UNC13C: variants seen among roughly 807,000 people sequenced by gnomAD.
UNC13C encodes the protein protein unc-13 homolog C.
Under a neutral mutation model 245.4 loss-of-function variants are expected in UNC13C, and 174 were observed. The ratio of observed to expected loss-of-function variants is 0.71; its 90% CI spans 0.63 to 0.80. UNC13C has a LOEUF of 0.80. Among genes scored for constraint, UNC13C ranks in the 30% least tolerant of loss-of-function variants. UNC13C has a pLI of 0.00. For synonymous variants in UNC13C, 992 were observed against 895.1 expected (o/e 1.11, Z -1.93); for missense variants, 2,829 against 2,602.9 (o/e 1.09, Z -1.89).
chr15:54,163,075 A>C (rs1288987247), intron 4 of UNC13C, among the ~76,000 whole-genome samples: 1 of 152,178 alleles, frequency 6.6e-6, no homozygotes, highest in East Asian at 1.9e-4. Flanking sequence ...GAACCTGTGA[A>C]TATGTTACCT....
At chr15:54,413,446 T>G (rs561375732) in intron 18 of UNC13C, among the ~76,000 whole-genome samples, 2 of 152,184 alleles carry the variant, frequency 1.3e-5, no homozygotes, top group Admixed American at 1.3e-4. Context: ...GTTATGCTAG[T>G]ATTTATGCTC....
rs929272893 is a variant in UNC13C at position 54,401,435 on chromosome 15, A to G, written c.4847+8254A>G. Among the ~76,000 whole-genome samples the G allele has an allele frequency of 5.9e-5, 9 of 152,254 alleles. No individual in the cohort carries two copies. In the South Asian group the frequency reaches 1.5e-3, roughly 25 times the overall value. On this transcript the variant is annotated intron_variant, in intron 18 of 32. Transcript: ENST00000260323. Reference sequence around the variant, plus strand: ...ACACCCTTGTTGACGCAGCCTTATGAGAAAAATTTTGCACAATAAGAGAAA... The same window carrying G: ...ACACCCTTGTTGACGCAGCCTTATGGGAAAAATTTTGCACAATAAGAGAAA...
chr15:54,432,029 T>G (rs1433593305), intron 19 of UNC13C, among the ~76,000 whole-genome samples: 1 of 151,488 alleles, frequency 6.6e-6, no homozygotes, highest in Admixed American at 6.6e-5. Flanking sequence ...AATAAACAAT[T>G]TTTAAAGATA....
the UNC13C span, among the ~76,000 whole-genome samples, chr15:53,864,283 T>C: frequency 6.6e-6 from 1 of 152,188 alleles, no homozygotes; most frequent in Non-Finnish European, 1.5e-5. Flanking sequence ...GTTGGTGTGA[T>C]CACAAATGAG....
At chr15:54,095,185 C>A (rs1040147219) in intron 2 of UNC13C, among the ~76,000 whole-genome samples, 1 of 152,192 alleles carries the variant, frequency 6.6e-6, no homozygotes, top group African/African-American at 2.4e-5. Flanking sequence ...GTCTCTTTTT[C>A]TTTAGATTTC....
At chr15:54,484,121 TAC>T (rs144832104) in intron 19 of UNC13C, among the ~76,000 whole-genome samples, 15,243 of 151,632 alleles carry the variant, frequency 0.1, 1,066 homozygotes, top group African/African-American at 0.2. Context: ...GATGATTAGC[TAC>T]ACAGTTTTCT....
At chr15:54,296,510 G>A (rs936649787) in intron 11 of UNC13C, among the ~76,000 whole-genome samples, 7 of 151,558 alleles carry the variant, frequency 4.6e-5, no homozygotes, top group African/African-American at 1.7e-4. Flanking sequence ...GAGCCATCGC[G>A]CCGGGCCCAG....
chr15:54,534,708 G>A (rs527758646), intron 26 of UNC13C, among the ~76,000 whole-genome samples: 1 of 152,260 alleles, frequency 6.6e-6, no homozygotes, highest in Admixed American at 6.5e-5. Context: ...AGGGCTAAAA[G>A]ACAAAATAGC....
intron 4 of UNC13C, among the ~76,000 whole-genome samples, chr15:54,173,642 C>T (rs2033500863): frequency 6.6e-6 from 1 of 151,638 alleles, no homozygotes; most frequent in Non-Finnish European, 1.5e-5. Flanking sequence ...TATGTATATG[C>T]CCTTGTTATC....
At chr15:53,924,360 C>G in the UNC13C span, among the ~76,000 whole-genome samples, 2 of 152,168 alleles carry the variant, frequency 1.3e-5, no homozygotes, top group African/African-American at 4.8e-5. Flanking sequence ...TTCAGCTCTT[C>G]ATTTGTAAAA....
At chr15:54,165,060 A>G (rs904979853) in intron 4 of UNC13C, among the ~76,000 whole-genome samples, 2 of 152,298 alleles carry the variant, frequency 1.3e-5, no homozygotes, top group Admixed American at 1.3e-4. Context: ...TTAAAATTTC[A>G]AAGACTCTTG....
intron 4 of UNC13C, among the ~76,000 whole-genome samples, chr15:54,181,067 C>T (rs187387724): frequency 6.6e-6 from 1 of 151,860 alleles, no homozygotes; most frequent in African/African-American, 2.4e-5. Flanking sequence ...AAATTCTTTC[C>T]CAAGGCTGAT....
At chr15:54,348,355 C>T (rs2038906750) in intron 17 of UNC13C, among the ~76,000 whole-genome samples, 1 of 152,108 alleles carries the variant, frequency 6.6e-6, no homozygotes, top group Non-Finnish European at 1.5e-5. Context: ...CTTTACTTTT[C>T]ACATGCATTA....
intron 11 of UNC13C, among the ~76,000 whole-genome samples, chr15:54,296,155 C>A (rs1322928896): frequency 6.6e-6 from 1 of 152,058 alleles, no homozygotes; most frequent in Admixed American, 6.6e-5. Context: ...AAAAAAGACC[C>A]TAGGTCTTGC....
At chr15:54,247,680 T>A (rs2036031254) in intron 7 of UNC13C, among the ~76,000 whole-genome samples, 1 of 152,124 alleles carries the variant, frequency 6.6e-6, no homozygotes, top group East Asian at 1.9e-4. Context: ...TGTTTTTCTC[T>A]AACTTTAATA....
At chr15:54,357,300 T>C (rs1168967819) in intron 17 of UNC13C, among the ~76,000 whole-genome samples, 2 of 152,074 alleles carry the variant, frequency 1.3e-5, no homozygotes, top group Non-Finnish European at 2.9e-5. Context: ...TTATGAAGTA[T>C]AGAGCAGAAT....
intron 4 of UNC13C, among the ~76,000 whole-genome samples, chr15:54,178,632 A>G (rs79878202): frequency 0.036 from 5,431 of 152,196 alleles, 283 homozygotes; most frequent in East Asian, 0.11. Flanking sequence ...GGAAATAATT[A>G]CCATTTCTCA....
chr15:54,560,823 ACTACTT>A, intron 29 of UNC13C, among the ~76,000 whole-genome samples: 1 of 152,138 alleles, frequency 6.6e-6, no homozygotes, highest in African/African-American at 2.4e-5. Context: ...AAATAATACT[ACTACTT>A]AAAAGATTAT....
chr15:53,993,745 T>C (rs1312346420), intron 1 of UNC13C, among the ~76,000 whole-genome samples: 1 of 152,088 alleles, frequency 6.6e-6, no homozygotes, highest in Non-Finnish European at 1.5e-5. Flanking sequence ...AATAGCAGAT[T>C]GTGGTCCCAC....
Sources: gnomAD v4.1 joint callset for allele counts (sites outside exome capture counted in the v4.1 genomes callset) on GRCh38, gnomAD v4.1.1 for gene constraint, MANE v1.5 for transcripts, NCBI Gene and HGNC (gene_info 2026-07-23, HGNC 2026-07-21) for gene names.